TAPBP: variants seen among roughly 807,000 people sequenced by gnomAD.
The protein encoded by TAPBP is TAP binding protein.
TAPBP carries 38 observed loss-of-function variants against 45.7 expected under a neutral mutation model. That is an observed-to-expected ratio of 0.83 (90% confidence interval 0.64 to 1.09). The LOEUF is 1.09. TAPBP is among the 50% of genes least tolerant of loss of function. The probability of loss-of-function intolerance (pLI) is 0.00; values close to 1 mark genes in which losing one functional copy is unlikely to be tolerated. For missense variants in TAPBP, 513 were observed against 587.3 expected, an observed-to-expected ratio of 0.87 and a Z score of 1.31; for synonymous variants, 226 against 254.8, an observed-to-expected ratio of 0.89 and a Z score of 1.08.
Position 33,313,298 on chromosome 6 carries a change from T to A in TAPBP, c.388A>T (p.Ser130Cys). The change falls in exon 3 of 8, where the codon AGC (serine) becomes TGC (cysteine). Residue 130 changes from serine (S) to cysteine (C), a missense_variant. Coordinates refer to ENST00000434618, the MANE Select transcript of TAPBP (RefSeq NM_003190.5). The surrounding 1 kb of genome is among the most constrained non-coding windows in gnomAD (Gnocchi z 7.2). ...AGGCTGGAGAGGCTGAGGACTGGGC[T>A]GGATATGCTGACCATCAGCCAAGCC... The part of the protein sequence containing the change: ...DGAWLMVSIS[S>C]PVLSLSSLLR... 1 of 1,613,702 alleles carries A rather than the reference T, an allele frequency of 6.2e-7. No homozygotes were observed. The highest frequency in any genetic ancestry group is 8.5e-7 in the Non-Finnish European group (1 of 1,179,912).
chr6:33,304,294 T>G lies in TAPBP; in HGVS notation c.1210+3A>C, dbSNP rs1768789969. The G allele has an allele frequency of 6.2e-7, 1 of 1,601,014 alleles. No individual in the cohort carries two copies. Among genetic ancestry groups the G allele is most frequent in the South Asian group, 1.1e-5 (1 of 89,634 alleles). ...CAGATTCCGCAGAGCTCCCAGCTCTTACCTGCTACCTCCAGGGTGACCTCA... is the reference window on the plus strand; with the variant it reads ...CAGATTCCGCAGAGCTCCCAGCTCTGACCTGCTACCTCCAGGGTGACCTCA... On this transcript the variant is annotated splice_donor_region_variant and intron_variant, in intron 5 of 7. Transcript: ENST00000434618.
chr6:33,313,430 C>A lies in TAPBP; in HGVS notation c.256G>T (p.Ala86Ser). The A allele has an allele frequency of 6.3e-7, 1 of 1,598,442 alleles. No homozygotes were observed. ...QAAFRRYPRG[A>S]PAPHCEMSRF... ...CTCATCTCGCAGTGTGGTGCGGGGGCGCCCCGGGGATACCGCCTGAAGGCA... is the reference window on the plus strand; with the variant it reads ...CTCATCTCGCAGTGTGGTGCGGGGGAGCCCCGGGGATACCGCCTGAAGGCA... The change falls in exon 3 of 8, where the codon GCC (alanine) becomes TCC (serine). Residue 86 changes from alanine (A) to serine (S), a missense_variant. Coordinates refer to ENST00000434618, the MANE Select transcript of TAPBP (RefSeq NM_003190.5). This position sits in a 1 kb window ranked among gnomAD's most constrained non-coding sequence, Gnocchi z 7.2.
In TAPBP at chr6:33,313,357, G is replaced by A; in HGVS notation, c.329C>T (p.Thr110Ile). ...PASAKWASGL[T>I]PAQNCPRALD... is the part of the protein sequence containing the mutation. Reference sequence around the variant, plus strand: ...GGCCCGCGGGCAGTTCTGCGCGGGGGTCAGGCCGCTGGCCCATTTCGCAGA... The same window carrying A: ...GGCCCGCGGGCAGTTCTGCGCGGGGATCAGGCCGCTGGCCCATTTCGCAGA... Residue 110 changes from threonine to isoleucine, a missense_variant, in exon 3 of 8, where the codon ACC becomes ATC. Physicochemically the swap from Thr to Ile is moderately conservative, Grantham distance 89. Coordinates refer to ENST00000434618, the MANE Select transcript of TAPBP (RefSeq NM_003190.5). This position sits in a 1 kb window ranked among gnomAD's most constrained non-coding sequence, Gnocchi z 7.2. 6.2e-7 allele frequency: 1 copy of A among 1,613,100 alleles called. No homozygotes were observed. Among genetic ancestry groups the A allele is most frequent in the Non-Finnish European group, 8.5e-7 (1 of 1,179,864 alleles).
rs1475700830 is a variant in TAPBP, at chr6:33,305,819, G to A, written c.470-432C>T. Among the ~76,000 whole-genome samples the A allele has an allele frequency of 6.6e-6, 1 of 152,196 alleles. No individual in the cohort carries two copies. Among genetic ancestry groups the A allele is most frequent in the Non-Finnish European group, 1.5e-5 (1 of 68,030 alleles). ...GAGCCATGACTGTCAGTCTTGTGGT[G>A]CTGTACAGAATATTTACTGACTCTA... On this transcript the variant is annotated intron_variant, in intron 3 of 7. Transcript: ENST00000434618. This position sits in a 1 kb window ranked among gnomAD's most constrained non-coding sequence, Gnocchi z 4.4.
chr6:33,302,403 C>A (rs1768653154), intron 7 of TAPBP, among the ~76,000 whole-genome samples: 1 of 152,094 alleles, frequency 6.6e-6, no homozygotes, highest in Non-Finnish European at 1.5e-5. Flanking sequence ...CGGCTCACTG[C>A]AACCTCCACC....
At position 33,313,678 on chromosome 6, in the gene TAPBP, G is replaced by T. The variant is rs1447020003; in HGVS notation, c.208+16C>A. Reference sequence around the variant, plus strand: ...GGCGACAGAGGTAGGGGGGCGGCGAGTCCCTAGAGACTCACCGTGTACACT... The same window carrying T: ...GGCGACAGAGGTAGGGGGGCGGCGATTCCCTAGAGACTCACCGTGTACACT... On this transcript the variant is annotated intron_variant, in intron 2 of 7. Transcript: ENST00000434618. This position sits in a 1 kb window ranked among gnomAD's most constrained non-coding sequence, Gnocchi z 7.2. 2.1e-5 allele frequency: 34 copies of T among 1,600,926 alleles called. No homozygotes were observed. In the East Asian group the frequency reaches 7.6e-4, roughly 36 times the overall value.
At chr6:33,311,502 C>T (rs981689545) in intron 3 of TAPBP, among the ~76,000 whole-genome samples, 1 of 151,918 alleles carries the variant, frequency 6.6e-6, no homozygotes, top group African/African-American at 2.4e-5. Context: ...GTGGCAGGCA[C>T]CTGTAATCCC....
chr6:33,301,810 A>C, intron 7 of TAPBP, 39 bp from the exon 8 acceptor site: 1 of 1,614,024 alleles, frequency 6.2e-7, no homozygotes, highest in Non-Finnish European at 8.5e-7. Context: ...CAGGATATTA[A>C]AAGGCAGTTG....
At position 33,305,406 on chromosome 6, in the gene TAPBP, T is replaced by C. The variant is rs1768913432; in HGVS notation, c.470-19A>G. ...AGTACCACTGAGGAAGACAGGGAGA[T>C]GAGGGGTTGGGAGGGGCATGAGGGA... On this transcript the variant is annotated intron_variant, in intron 3 of 7. Coordinates refer to ENST00000434618, the MANE Select transcript of TAPBP (RefSeq NM_003190.5). The surrounding 1 kb of genome is among the most constrained non-coding windows in gnomAD (Gnocchi z 4.4). 3 of 1,504,590 alleles carry C rather than the reference T, an allele frequency of 2.0e-6. No homozygotes were observed. The highest frequency in any genetic ancestry group is 1.8e-6 in the Non-Finnish European group (2 of 1,127,664). The allele number at this position is 1,504,590 out of a possible 1,614,324, so 93.2% of individuals were successfully genotyped here.
chr6:33,309,720 C>CT lies in TAPBP; in HGVS notation c.469+3496dup, dbSNP rs141940039. ...ATAGGTACATGCCACGACACCCAACCTTTTTTTTTTTTTTTTTTTTTTTGA... is the reference window on the plus strand; with the variant it reads ...ATAGGTACATGCCACGACACCCAACCTTTTTTTTTTTTTTTTTTTTTTTTGA... On this transcript the variant is annotated intron_variant, in intron 3 of 7. Transcript: ENST00000434618. Among the ~76,000 whole-genome samples the CT allele has an allele frequency of 7.5e-4, 35 of 46,786 alleles. 1 individual carries two copies. Among genetic ancestry groups the CT allele is most frequent in the Non-Finnish European group, 9.6e-4 (27 of 28,146 alleles). The allele number at this position is 46,786 out of a possible 152,430, so 30.7% of individuals were successfully genotyped here.
rs1768934528 is a variant in TAPBP at position 33,305,763 on chromosome 6, C to T, written c.470-376G>A. Among the ~76,000 whole-genome samples, 1 of 151,938 alleles carries T rather than the reference C, an allele frequency of 6.6e-6. No homozygotes were observed. Among genetic ancestry groups the T allele is most frequent in the South Asian group, 2.1e-4 (1 of 4,826 alleles). On this transcript the variant is annotated intron_variant, in intron 3 of 7. Coordinates refer to ENST00000434618, the MANE Select transcript of TAPBP (RefSeq NM_003190.5). This position sits in a 1 kb window ranked among gnomAD's most constrained non-coding sequence, Gnocchi z 4.4. ...CAAGCACCACCCTTGAGGAACCAGG[C>T]CTTTCTTGATTACAGGCGAAGACAA...
In TAPBP at chr6:33,313,152, A is replaced by G. The variant is rs745493056; in HGVS notation, c.469+65T>C. The G allele has an allele frequency of 1.7e-5, 26 of 1,525,378 alleles. No individual in the cohort carries two copies. Among genetic ancestry groups the G allele is most frequent in the Non-Finnish European group, 2.1e-5 (24 of 1,131,666 alleles). The allele number at this position is 1,525,378 out of a possible 1,614,324, so 94.5% of individuals were successfully genotyped here. On this transcript the variant is annotated intron_variant, in intron 3 of 7. Transcript: ENST00000434618. The surrounding 1 kb of genome is among the most constrained non-coding windows in gnomAD (Gnocchi z 7.2). ...ATGTCTTGCTCAAGTCCATAAAGCG[A>G]GACCACCGGCTGATCTGGACCCTTA...
At chr6:33,307,033 A>T (rs1312729797) in intron 3 of TAPBP, among the ~76,000 whole-genome samples, 3 of 151,442 alleles carry the variant, frequency 2.0e-5, no homozygotes, top group Non-Finnish European at 4.4e-5. Flanking sequence ...CACACCTGTA[A>T]TCCCAACACT....
intron 7 of TAPBP, among the ~76,000 whole-genome samples, chr6:33,303,117 A>G (rs1768697651): frequency 6.6e-6 from 1 of 152,124 alleles, no homozygotes; most frequent in Admixed American, 6.6e-5. Flanking sequence ...GGTCACATAT[A>G]TTATTAAAAA....
In TAPBP at chr6:33,304,484, C is replaced by T; in HGVS notation, c.1023G>A (p.Gln341=). The change falls in exon 5 of 8, where the codon CAG becomes CAA. Residue 341 remains glutamine (Q), a synonymous_variant. Coordinates refer to ENST00000434618, the MANE Select transcript of TAPBP (RefSeq NM_003190.5). ...AGAGCCACCTCTGCCCCTCGGCCTT[C>T]TGAGAGCGGCCCCCTGGGCCACCCC... is the stretch of plus-strand genomic sequence containing the variant. The part of the protein sequence containing the change: ...ELRGGPGGRS[Q]KAEGQRWLSA... 2 of 1,613,114 alleles carry T rather than the reference C, an allele frequency of 1.2e-6. No individual in the cohort carries two copies. Among genetic ancestry groups the T allele is most frequent in the South Asian group, 1.1e-5 (1 of 90,936 alleles).
chr6:33,301,633 T>A lies in TAPBP; in HGVS notation c.*127A>T. On this transcript the variant is annotated 3_prime_UTR_variant, in exon 8 of 8. Transcript: ENST00000434618. ...TAAGTGAAAGAAAAAAAAAAAAGCATTCCAGCCACTCAGTGGAGAGAGATT... is the reference window on the plus strand; with the variant it reads ...TAAGTGAAAGAAAAAAAAAAAAGCAATCCAGCCACTCAGTGGAGAGAGATT... The A allele has an allele frequency of 1.3e-6, 1 of 769,680 alleles. No homozygotes were observed. Among genetic ancestry groups the A allele is most frequent in the South Asian group, 1.7e-5 (1 of 57,868 alleles). The allele number at this position is 769,680 out of a possible 1,614,324, so 47.7% of individuals were successfully genotyped here.
intron 3 of TAPBP, among the ~76,000 whole-genome samples, chr6:33,307,090 C>G (rs1279063110): frequency 6.6e-6 from 1 of 152,002 alleles, no homozygotes; most frequent in Non-Finnish European, 1.5e-5. Context: ...GAGTTCAAGA[C>G]CAGCCTGGCC....
In TAPBP at chr6:33,313,338, C is replaced by T. The variant is rs779747861; in HGVS notation, c.348G>A (p.Pro116=). Residue 116 remains proline, a synonymous_variant, in exon 3 of 8, where the codon CCG becomes CCA. Coordinates refer to ENST00000434618, the MANE Select transcript of TAPBP (RefSeq NM_003190.5). This position sits in a 1 kb window ranked among gnomAD's most constrained non-coding sequence, Gnocchi z 7.2. ...TCAGCCAAGCCCCATCCAGGGCCCGCGGGCAGTTCTGCGCGGGGGTCAGGC... is the reference window on the plus strand; with the variant it reads ...TCAGCCAAGCCCCATCCAGGGCCCGTGGGCAGTTCTGCGCGGGGGTCAGGC... ...ASGLTPAQNC[P]RALDGAWLMV... 1.2e-6 allele frequency: 2 copies of T among 1,613,278 alleles called. No individual in the cohort carries two copies. Among genetic ancestry groups the T allele is most frequent in the African/African-American group, 2.7e-5 (2 of 74,944 alleles).
intron 3 of TAPBP, chr6:33,312,982 T>TC (rs760845170): frequency 1.6e-5 from 7 of 433,370 alleles, no homozygotes; most frequent in Non-Finnish European, 2.8e-5. Context: ...GGCCCTGCTT[T>TC]CCCCCTACCC....
Sources: allele counts gnomAD v4.1 joint callset (sites outside exome capture counted in the v4.1 genomes callset), GRCh38; gene constraint gnomAD v4.1.1; non-coding constraint Gnocchi (gnomAD v3.1); transcripts MANE v1.5; gene names NCBI Gene and HGNC (gene_info 2026-07-23, HGNC 2026-07-21).